Variants in CCDC91 observed in about 807,000 individuals in gnomAD.
CCDC91 encodes the protein coiled-coil domain-containing protein 91.
A neutral mutation model predicts 63.2 loss-of-function variants in CCDC91; 48 were observed. The ratio of observed to expected loss-of-function variants is 0.76; its 90% confidence interval spans 0.60 to 0.97. The LOEUF is 0.97. Among genes scored for constraint, CCDC91 ranks in the 50% least tolerant of loss-of-function variants. The probability of loss-of-function intolerance (pLI) is 0.00; values close to 1 mark genes in which losing one functional copy is unlikely to be tolerated. For synonymous variants in CCDC91, 167 were observed against 165.8 expected (o/e 1.01, Z -0.06); for missense variants, 500 against 494.6 (o/e 1.01, Z -0.10).
At chr12:28,199,840 G>C (rs984538120) in intron 1 of CCDC91, among the ~76,000 whole-genome samples, 5 of 152,174 alleles carry the variant, frequency 3.3e-5, no homozygotes, top group Non-Finnish European at 7.3e-5. Context: ...TATTTTTGAT[G>C]AGTTGCTTCT....
At chr12:28,257,690 G>A (rs1946541786) in intron 2 of CCDC91, among the ~76,000 whole-genome samples, 2 of 152,112 alleles carry the variant, frequency 1.3e-5, no homozygotes. Flanking sequence ...AAGTTAATTA[G>A]TATGTTTGTA....
intron 12 of CCDC91, among the ~76,000 whole-genome samples, chr12:28,536,948 G>A (rs1199409515): frequency 6.6e-6 from 1 of 152,058 alleles, no homozygotes; most frequent in African/African-American, 2.4e-5. Flanking sequence ...AAATATATAT[G>A]CCATAAGATC....
chr12:28,470,711 T>TA (rs891735666), intron 11 of CCDC91, among the ~76,000 whole-genome samples: 50 of 152,076 alleles, frequency 3.3e-4, no homozygotes, highest in Non-Finnish European at 6.2e-4. Flanking sequence ...ATGAATAGGT[T>TA]AAAAAAATGT....
chr12:28,256,889 A>G, intron 1 of CCDC91: 2 of 244,788 alleles, frequency 8.2e-6, no homozygotes, highest in Non-Finnish European at 1.6e-5. Context: ...AATAGATGCA[A>G]AAAGCAGGAA....
At chr12:28,427,043 A>G (rs572640331) in intron 8 of CCDC91, among the ~76,000 whole-genome samples, 4 of 152,204 alleles carry the variant, frequency 2.6e-5, no homozygotes, top group African/African-American at 9.6e-5. Flanking sequence ...CTTCCCTAAG[A>G]ACTCCTCCTT....
rs777662994 is a variant in CCDC91 at position 28,362,492 on chromosome 12, A to G, written c.631A>G (p.Ser211Gly). 1.3e-6 allele frequency: 2 copies of G among 1,596,594 alleles called. No homozygotes were observed. The highest frequency in any genetic ancestry group is 2.7e-5 in the African/African-American group (2 of 74,270). ...DMRKAGHEAL[S>G]IIVDEYKALL... ...GAGGAAAGCTGGTCACGAAGCCCTC[A>G]GCATTATTGTGGATGAATATAAGGT... The change falls in exon 7 of 13, where the codon AGC (serine) becomes GGC (glycine). Residue 211 changes from serine to glycine, a missense_variant. Ser to Gly is a moderately conservative substitution (Grantham distance 56). Coordinates refer to ENST00000536442, the MANE Select transcript of CCDC91 (RefSeq NM_018318.5).
At chr12:28,275,852 C>G (rs572309817) in intron 3 of CCDC91, among the ~76,000 whole-genome samples, 1 of 152,236 alleles carries the variant, frequency 6.6e-6, no homozygotes, top group South Asian at 2.1e-4. Flanking sequence ...AGCATATAAA[C>G]AGAACCAAAA....
intron 1 of CCDC91, among the ~76,000 whole-genome samples, chr12:28,251,809 A>G (rs75757272): frequency 0.21 from 32,347 of 152,002 alleles, 4,227 homozygotes; most frequent in East Asian, 0.55. Flanking sequence ...GCTCCAATCT[A>G]GACTGGAGGT....
At chr12:28,380,434 C>T (rs1207014744) in intron 7 of CCDC91, among the ~76,000 whole-genome samples, 1 of 152,092 alleles carries the variant, frequency 6.6e-6, no homozygotes, top group African/African-American at 2.4e-5. Context: ...TTTTATACTA[C>T]ATCAGGTTAA....
At chr12:28,464,121 C>CTG (rs1950438128) in intron 11 of CCDC91, among the ~76,000 whole-genome samples, 2 of 152,142 alleles carry the variant, frequency 1.3e-5, no homozygotes, top group Non-Finnish European at 2.9e-5. Flanking sequence ...TACCTGACTC[C>CTG]TGCCCACTGA....
chr12:28,332,821 T>C (rs185129687), intron 6 of CCDC91, among the ~76,000 whole-genome samples: 3 of 152,222 alleles, frequency 2.0e-5, no homozygotes, highest in Admixed American at 2.0e-4. Context: ...GCGCTGTAAC[T>C]CATGCCTGAG....
rs78208127 is a variant in CCDC91, at chr12:28,450,548, T to C, written c.924+130T>C. The C allele has an allele frequency of 4.7e-3, 3,054 of 653,880 alleles. 85 individuals carry two copies. In the African/African-American group the frequency reaches 0.051, roughly 11 times the overall value. The allele number at this position is 653,880 out of a possible 1,614,324, so 40.5% of individuals were successfully genotyped here. The stretch of plus-strand genomic sequence containing the variant: ...AATCGTTTTTATTTCTTTTATTTAC[T>C]TTTAAACTTAAGATATGACTACTTA... On this transcript the variant is annotated intron_variant, in intron 10 of 12. Coordinates refer to ENST00000536442, the MANE Select transcript of CCDC91 (RefSeq NM_018318.5).
At chr12:28,300,559 T>C (rs59830153) in intron 3 of CCDC91, among the ~76,000 whole-genome samples, 80 of 151,674 alleles carry the variant, frequency 5.3e-4, no homozygotes, top group African/African-American at 1.8e-3. Context: ...GAGGGAATGG[T>C]ATTCCTCATA....
intron 6 of CCDC91, among the ~76,000 whole-genome samples, chr12:28,341,616 A>G (rs1162281552): frequency 6.6e-6 from 1 of 152,176 alleles, no homozygotes; most frequent in Admixed American, 6.6e-5. Flanking sequence ...TTAGGATGCC[A>G]TTATTCTGCC....
At position 28,511,355 on chromosome 12, in the gene CCDC91, A is replaced by G. The variant is rs565492855; in HGVS notation, c.1215+27190A>G. 1.6e-4 allele frequency among the ~76,000 whole-genome samples: 24 copies of G among 152,018 alleles called. No individual in the cohort carries two copies. The East Asian group carries it at 4.1e-3, about 26-fold the overall frequency. On this transcript the variant is annotated intron_variant, in intron 12 of 12. Coordinates refer to ENST00000536442, the MANE Select transcript of CCDC91 (RefSeq NM_018318.5). ...ATCTTCCAAAGGTTTTCCAAATGTCACCTCTTCAGAAAAGCCATTTATGGC... is the reference window on the plus strand; with the variant it reads ...ATCTTCCAAAGGTTTTCCAAATGTCGCCTCTTCAGAAAAGCCATTTATGGC...
chr12:28,306,557 A>C (rs1313662815), intron 4 of CCDC91, among the ~76,000 whole-genome samples, 185 bp from the exon 5 acceptor site: 3 of 152,078 alleles, frequency 2.0e-5, no homozygotes, highest in African/African-American at 7.2e-5. Flanking sequence ...TGTTTCTTAC[A>C]GCAAAGATCG....
At chr12:28,368,606 TTTAC>T (rs1242897646) in intron 7 of CCDC91, among the ~76,000 whole-genome samples, 2 of 152,344 alleles carry the variant, frequency 1.3e-5, no homozygotes, top group East Asian at 3.9e-4. Context: ...TCTGTCAGTT[TTTAC>T]TTCATGCATT....
At chr12:28,440,570 T>A (rs1949131561) in intron 8 of CCDC91, among the ~76,000 whole-genome samples, 1 of 152,142 alleles carries the variant, frequency 6.6e-6, no homozygotes, top group Non-Finnish European at 1.5e-5. Context: ...GAAAAATCGA[T>A]AAATTAGGGT....
At chr12:28,355,842 G>A (rs1461244611) in intron 6 of CCDC91, among the ~76,000 whole-genome samples, 1 of 152,042 alleles carries the variant, frequency 6.6e-6, no homozygotes, top group Non-Finnish European at 1.5e-5. Flanking sequence ...CATGTGTTAA[G>A]GCAGCCATTA....
Sources: gnomAD v4.1 joint callset for allele counts (sites outside exome capture counted in the v4.1 genomes callset) on GRCh38, gnomAD v4.1.1 for gene constraint, MANE v1.5 for transcripts, NCBI Gene and HGNC (gene_info 2026-07-23, HGNC 2026-07-21) for gene names.